The following COL6A5 variants were observed in gnomAD, a reference collection of about 807,000 sequenced individuals.
The protein encoded by COL6A5 is collagen type VI alpha 5 chain.
COL6A5 carries 48 observed loss-of-function variants against 65.6 expected under a neutral mutation model. The observed-to-expected ratio is 0.73, with a 90% confidence interval of 0.58 to 0.93. The LOEUF (loss-of-function observed/expected upper bound fraction) is 0.93, where lower values mean the gene tolerates loss of function less well. Ranked by LOEUF, COL6A5 falls within the 40% of genes least tolerant of loss-of-function variation. COL6A5 has a pLI of 0.00. For synonymous variants in COL6A5, 291 were observed against 322.8 expected (o/e 0.90, Z 1.05); for missense variants, 914 against 928.3 (o/e 0.98, Z 0.20).
intron 10 of COL6A5, among the ~76,000 whole-genome samples, chr3:130,398,865 TCTC>T (rs1394506649): frequency 6.6e-6 from 1 of 152,300 alleles, no homozygotes; most frequent in Non-Finnish European, 1.5e-5. Context: ...GGTTACAACA[TCTC>T]CTTCCCTTTT....
chr3:130,458,771 T>G (rs1355952567), intron 5 of COL6A5, among the ~76,000 whole-genome samples: 1 of 152,120 alleles, frequency 6.6e-6, no homozygotes, highest in Non-Finnish European at 1.5e-5. Context: ...CAAAACACAC[T>G]TAAGATCTAA....
intron 1 of COL6A5, among the ~76,000 whole-genome samples, chr3:130,355,799 A>G (rs1299288842): frequency 6.6e-6 from 1 of 152,066 alleles, no homozygotes; most frequent in Non-Finnish European, 1.5e-5. Context: ...ATTTTGTAAT[A>G]TAAAATAGAA....
intron 3 of COL6A5, among the ~76,000 whole-genome samples, chr3:130,442,581 T>G (rs1709211237): frequency 6.6e-6 from 1 of 152,006 alleles, no homozygotes; most frequent in Admixed American, 6.6e-5. Context: ...TTTGTAGGAG[T>G]GAAAAGGCTC....
chr3:130,426,466 G>A (rs368854541), upstream of COL6A5: 2 of 1,481,414 alleles, frequency 1.4e-6, no homozygotes. Context: ...AGGACTGTAT[G>A]CAGTGTGGGT....
intron 4 of COL6A5, among the ~76,000 whole-genome samples, chr3:130,445,292 G>A (rs1309307871): frequency 6.6e-6 from 1 of 152,192 alleles, no homozygotes; most frequent in Non-Finnish European, 1.5e-5. Context: ...CAAGGTCTGG[G>A]CAAAGTTACT....
chr3:130,469,591 G>A (rs1297468575), intron 6 of COL6A5, 110 bp downstream of exon 38: 34 of 857,712 alleles, frequency 4.0e-5, no homozygotes, highest in Middle Eastern at 5.0e-4. Flanking sequence ...GAGTGGTAGA[G>A]TATAAGTGAG....
intron 11 of COL6A5, 63 bp downstream of exon 11, chr3:130,401,236 A>T (rs1288916002): frequency 5.7e-6 from 8 of 1,414,960 alleles, no homozygotes; most frequent in East Asian, 2.5e-5. Flanking sequence ...TGGAATCTTG[A>T]TGAGAACTTT....
chr3:130,431,090 T>A (rs1027039184), upstream of COL6A5, among the ~76,000 whole-genome samples: 4 of 152,182 alleles, frequency 2.6e-5, no homozygotes, highest in African/African-American at 9.7e-5. Flanking sequence ...CACAGTAAAA[T>A]TTATTTCTCT....
chr3:130,441,354 C>A (rs145092826), intron 3 of COL6A5, among the ~76,000 whole-genome samples: 2 of 152,266 alleles, frequency 1.3e-5, no homozygotes, highest in African/African-American at 4.8e-5. Context: ...AATGTCAATG[C>A]TGCTGGTTCA....
At chr3:130,484,134 AG>A in exon 8 of COL6A5, 1 of 1,372,736 alleles carries the variant, frequency 7.3e-7, no homozygotes, top group South Asian at 1.4e-5. Context: ...CATCTGTTAG[AG>A]GTACTGTGGT....
exon 29 of COL6A5, chr3:130,423,844 G>A: frequency 6.5e-7 from 1 of 1,549,384 alleles, no homozygotes; most frequent in Non-Finnish European, 8.7e-7. Context: ...GCAGCTCACT[G>A]TAGGCTTGAA....
At chr3:130,373,530 A>T in intron 1 of COL6A5, 81 bp from the exon 2 acceptor site, 3 of 664,772 alleles carry the variant, frequency 4.5e-6, no homozygotes. Flanking sequence ...TACAGGTACC[A>T]TGCCCTAATA....
In COL6A5 at chr3:130,424,911, C is replaced by T. The variant is rs368127764; in HGVS notation, c.5163+1011C>T. Among the ~76,000 whole-genome samples, 5 of 152,014 alleles carry T rather than the reference C, an allele frequency of 3.3e-5. No homozygotes were observed. In the South Asian group the frequency reaches 1.0e-3, roughly 32 times the overall value. ...TTGTGCTTGGCCAAGCTAGTCTGGA[C>T]TGGAATTTGGCTTCTTTGTCTCAAG... is the stretch of plus-strand genomic sequence containing the variant. On this transcript the variant is annotated intron_variant and NMD_transcript_variant, in intron 29 of 41. Transcript: ENST00000312481.
intron 7 of COL6A5, among the ~76,000 whole-genome samples, chr3:130,472,858 T>TATATATACAC (rs1198559167): frequency 2.1e-5 from 3 of 141,868 alleles, no homozygotes; most frequent in African/African-American, 7.8e-5. Context: ...TATATATATA[T>TATATATACAC]ACACATTTAT....
intron 22 of COL6A5, among the ~76,000 whole-genome samples, chr3:130,414,870 G>A (rs1421734249): frequency 6.6e-6 from 1 of 152,032 alleles, no homozygotes; most frequent in Non-Finnish European, 1.5e-5. Context: ...CTGGAATTTG[G>A]GATTCTCTTG....
chr3:130,373,674 T>A (rs1459297284), exon 2 of COL6A5: 1 of 1,543,452 alleles, frequency 6.5e-7, no homozygotes, highest in Non-Finnish European at 8.8e-7. Flanking sequence ...TCCTAATCAT[T>A]TGGACTGAAA....
At chr3:130,354,487 A>G (rs1934849324) in intron 1 of COL6A5, among the ~76,000 whole-genome samples, 1 of 152,190 alleles carries the variant, frequency 6.6e-6, no homozygotes, top group Admixed American at 6.5e-5. Context: ...TTTTCCGAGA[A>G]CCAACATTCT....
chr3:130,413,092 C>T (rs1374092022), intron 20 of COL6A5, among the ~76,000 whole-genome samples: 1 of 152,024 alleles, frequency 6.6e-6, no homozygotes, highest in East Asian at 1.9e-4. Flanking sequence ...GATCTGGGGC[C>T]TGAATCCTTT....
chr3:130,447,440 C>G (rs1709333815), intron 4 of COL6A5, among the ~76,000 whole-genome samples: 1 of 152,154 alleles, frequency 6.6e-6, no homozygotes, highest in Non-Finnish European at 1.5e-5. Flanking sequence ...GCAAATTTAT[C>G]TTTTAATCCA....
Sources: gnomAD v4.1 joint callset for allele counts (sites outside exome capture counted in the v4.1 genomes callset) on GRCh38, gnomAD v4.1.1 for gene constraint, MANE v1.5 for transcripts, NCBI Gene and HGNC (gene_info 2026-07-23, HGNC 2026-07-21) for gene names.